The following RAPGEF1 variants were observed in gnomAD, a reference collection of about 807,000 sequenced individuals.
The protein encoded by RAPGEF1 is CRK SH3-binding GNRP.
Under a neutral mutation model 143.3 loss-of-function variants are expected in RAPGEF1, and 33 were observed. The ratio of observed to expected loss-of-function variants is 0.23; its 90% CI spans 0.17 to 0.31. RAPGEF1 has a LOEUF of 0.31. RAPGEF1 is among the 10% of genes least tolerant of loss of function. RAPGEF1 has a pLI of 1.00. For synonymous variants in RAPGEF1, 629 were observed against 676.5 expected, an observed-to-expected ratio of 0.93 and a Z score of 1.09; for missense variants, 1,199 against 1,645.4, an observed-to-expected ratio of 0.73 and a Z score of 4.69.
rs1437204616 is a variant in RAPGEF1 at position 131,667,146 on chromosome 9, C to T, written c.62-16197G>A. 7.9e-5 allele frequency among the ~76,000 whole-genome samples: 12 copies of T among 152,124 alleles called. No homozygotes were observed. Among genetic ancestry groups the T allele is most frequent in the African/African-American group, 2.2e-4 (9 of 41,428 alleles). On this transcript the variant is annotated intron_variant, in intron 1 of 26. Coordinates refer to ENST00000683357, the MANE Select transcript of RAPGEF1 (RefSeq NM_001377935.1). The surrounding 1 kb of genome is among the most constrained non-coding windows in gnomAD (Gnocchi z 4.6). ...CTGGGATTACAGGTGCCTGCCACCACGCCTGGCTAAGTTTTGTATTTTTAG... is the reference window on the plus strand; with the variant it reads ...CTGGGATTACAGGTGCCTGCCACCATGCCTGGCTAAGTTTTGTATTTTTAG...
chr9:131,601,078 G>A (rs1044073188), intron 15 of RAPGEF1, among the ~76,000 whole-genome samples: 9 of 151,722 alleles, frequency 5.9e-5, no homozygotes, highest in Admixed American at 4.6e-4. Flanking sequence ...AAGCTGAGGC[G>A]GGAGAATCGC....
At chr9:131,654,810 A>T (rs1465672776) in intron 1 of RAPGEF1, among the ~76,000 whole-genome samples, 2 of 152,246 alleles carry the variant, frequency 1.3e-5, no homozygotes, top group Non-Finnish European at 2.9e-5. Context: ...CATATATTCA[A>T]CAAATGAAGA....
chr9:131,633,352 CA>C (rs1965465667), intron 5 of RAPGEF1, among the ~76,000 whole-genome samples: 1 of 152,120 alleles, frequency 6.6e-6, no homozygotes, highest in East Asian at 1.9e-4. Context: ...CGCCAGGCCC[CA>C]AAGAGGAGCA....
chr9:131,681,680 A>G (rs756653427), intron 1 of RAPGEF1, among the ~76,000 whole-genome samples: 3 of 152,196 alleles, frequency 2.0e-5, no homozygotes, highest in Admixed American at 1.3e-4. Flanking sequence ...TCGAATTAAT[A>G]TAACTGCGCA....
intron 1 of RAPGEF1, among the ~76,000 whole-genome samples, chr9:131,729,095 G>A (rs979771880): frequency 6.6e-6 from 1 of 152,250 alleles, no homozygotes; most frequent in Non-Finnish European, 1.5e-5. Context: ...TGGAAAGACA[G>A]GGTTGGGGAG....
chr9:131,731,880 G>C (rs1837097225), intron 1 of RAPGEF1, among the ~76,000 whole-genome samples: 2 of 152,222 alleles, frequency 1.3e-5, no homozygotes, highest in South Asian at 4.1e-4. Context: ...GCTGTTACAG[G>C]AGTCGTGGTG....
chr9:131,579,568 A>C lies in RAPGEF1; in HGVS notation c.3721T>G (p.Trp1241Gly). The C allele has an allele frequency of 6.2e-7, 1 of 1,614,012 alleles. No homozygotes were observed. Among genetic ancestry groups the C allele is most frequent in the Non-Finnish European group, 8.5e-7 (1 of 1,179,868 alleles). ...GGTTTAATTTTCAGAGACAGTTCCCATAGGGCCTCCTCAGCCAGGTGGTCA... is the reference window on the plus strand; with the variant it reads ...GGTTTAATTTTCAGAGACAGTTCCCCTAGGGCCTCCTCAGCCAGGTGGTCA... ...FSDHLAEEALWELSLKIKPRN... is the reference protein window; with the variant it reads ...FSDHLAEEALGELSLKIKPRN... Residue 1241 changes from tryptophan (W) to glycine (G), a missense_variant, in exon 27 of 27, where the codon TGG becomes GGG. By Grantham distance (184) the Trp-to-Gly change is radical. Transcript: ENST00000683357.
At chr9:131,618,660 T>A (rs1253248371) in intron 12 of RAPGEF1, among the ~76,000 whole-genome samples, 1 of 152,222 alleles carries the variant, frequency 6.6e-6, no homozygotes, top group African/African-American at 2.4e-5. Flanking sequence ...GTGATCCTCC[T>A]GTCTCAGCCT....
chr9:131,671,213 G>A (rs1831321615), intron 1 of RAPGEF1, among the ~76,000 whole-genome samples: 1 of 152,194 alleles, frequency 6.6e-6, no homozygotes, highest in African/African-American at 2.4e-5. Flanking sequence ...CTCAGCAGCT[G>A]TATCCTCTAA....
chr9:131,627,470 C>T (rs77166560), intron 9 of RAPGEF1, among the ~76,000 whole-genome samples: 3,425 of 152,222 alleles, frequency 0.022, 131 homozygotes, highest in African/African-American at 0.077. Context: ...CTCTAAGCCC[C>T]CTGCCCAGCA....
intron 1 of RAPGEF1, among the ~76,000 whole-genome samples, chr9:131,678,473 AT>A (rs1832625350): frequency 6.6e-6 from 1 of 152,266 alleles, no homozygotes; most frequent in South Asian, 2.1e-4. Context: ...ATAACTTTAT[AT>A]CAATACACAT....
chr9:131,737,850 AG>A (rs1273788308), intron 1 of RAPGEF1, among the ~76,000 whole-genome samples: 3 of 143,878 alleles, frequency 2.1e-5, no homozygotes, highest in Non-Finnish European at 3.0e-5. Flanking sequence ...CTGCAGTCCC[AG>A]CTACTCGGGA....
chr9:131,734,094 T>C (rs879591354), intron 1 of RAPGEF1, among the ~76,000 whole-genome samples: 13 of 152,184 alleles, frequency 8.5e-5, no homozygotes, highest in African/African-American at 1.2e-4. Flanking sequence ...CTTAATTTCA[T>C]TGGTAGATCT....
chr9:131,694,994 G>C lies in RAPGEF1; in HGVS notation c.62-44045C>G, dbSNP rs149272835. On this transcript the variant is annotated intron_variant, in intron 1 of 26. Coordinates refer to ENST00000683357, the MANE Select transcript of RAPGEF1 (RefSeq NM_001377935.1). ...CCCCGTGTGTGATGTTCCCCTTCCT[G>C]TGTCCATGTGTTCTCATTGTTCACG... 6.5e-4 allele frequency among the ~76,000 whole-genome samples: 77 copies of C among 119,136 alleles called. No homozygotes were observed. The East Asian group carries it at 0.019, about 30-fold the overall frequency. The allele number at this position is 119,136 out of a possible 152,430, so 78.2% of individuals were successfully genotyped here.
At chr9:131,659,871 T>G (rs1287519866) in intron 1 of RAPGEF1, among the ~76,000 whole-genome samples, 2 of 152,006 alleles carry the variant, frequency 1.3e-5, no homozygotes, top group African/African-American at 4.8e-5. Flanking sequence ...CAGGCTGGAG[T>G]GCAGTGGCGT....
intron 12 of RAPGEF1, among the ~76,000 whole-genome samples, chr9:131,615,233 T>C (rs557219073): frequency 5.3e-5 from 8 of 152,318 alleles, no homozygotes; most frequent in East Asian, 3.9e-4. Flanking sequence ...CCACCATGCC[T>C]GGCTAATTTT....
intron 1 of RAPGEF1, among the ~76,000 whole-genome samples, chr9:131,665,932 T>C (rs1187610655): frequency 6.6e-6 from 1 of 152,236 alleles, no homozygotes; most frequent in Non-Finnish European, 1.5e-5. Flanking sequence ...TTCTACTTAC[T>C]AGTCCTTTGA....
Position 131,650,372 on chromosome 9 carries a change from C to T in RAPGEF1, c.202-130G>A. The T allele has an allele frequency of 1.5e-6, 1 of 664,122 alleles. No homozygotes were observed. 41.1% of individuals were successfully genotyped at this position (664,122 alleles called of 1,614,324 possible). A position where few individuals can be genotyped will look rare whatever the true frequency, so the allele number is the denominator to read the frequency against. ...ACTGGCCCTGCTGAGGCCACTAACTCTTGAGGACATCTTTGGCTGTGTCTC... is the reference window on the plus strand; with the variant it reads ...ACTGGCCCTGCTGAGGCCACTAACTTTTGAGGACATCTTTGGCTGTGTCTC... On this transcript the variant is annotated intron_variant, in intron 2 of 26. Transcript: ENST00000683357. The surrounding 1 kb of genome is among the most constrained non-coding windows in gnomAD (Gnocchi z 4.7).
intron 1 of RAPGEF1, among the ~76,000 whole-genome samples, chr9:131,672,233 G>T (rs1037115837): frequency 6.6e-6 from 1 of 152,244 alleles, no homozygotes; most frequent in Non-Finnish European, 1.5e-5. Context: ...TTTGACCCCG[G>T]TAAGAAACGT....
Sources: allele counts gnomAD v4.1 joint callset (sites outside exome capture counted in the v4.1 genomes callset), GRCh38; gene constraint gnomAD v4.1.1; non-coding constraint Gnocchi (gnomAD v3.1); transcripts MANE v1.5; gene names NCBI Gene and HGNC (gene_info 2026-07-23, HGNC 2026-07-21).